The following VPS41 variants were observed in gnomAD, a reference collection of about 807,000 sequenced individuals.
VPS41 encodes vacuolar protein sorting-associated protein 41 homolog.
A neutral mutation model predicts 130.9 loss-of-function variants in VPS41; 85 were observed. That is an observed-to-expected ratio of 0.65 (90% CI 0.55 to 0.78). The LOEUF (loss-of-function observed/expected upper bound fraction) is 0.78. Ranked by LOEUF, VPS41 falls within the 30% of genes least tolerant of loss-of-function variation. VPS41 has a pLI of 0.00. For synonymous variants in VPS41, 335 were observed against 332.9 expected (o/e 1.01, Z -0.07); for missense variants, 874 against 1,018.7 (o/e 0.86, Z 1.93).
At chr7:38,736,317 G>A (rs1795764897) in intron 25 of VPS41, among the ~76,000 whole-genome samples, 1 of 152,292 alleles carries the variant, frequency 6.6e-6, no homozygotes, top group East Asian at 1.9e-4. Flanking sequence ...AGCAGATCTG[G>A]GCTGGGTGCC....
chr7:38,878,457 C>A (rs1419700776), intron 2 of VPS41, among the ~76,000 whole-genome samples: 1 of 152,116 alleles, frequency 6.6e-6, no homozygotes, highest in East Asian at 1.9e-4. Context: ...ATTTTGATAA[C>A]CATGATATCA....
chr7:38,837,605 A>G (rs1048694516), intron 4 of VPS41, among the ~76,000 whole-genome samples: 4 of 152,202 alleles, frequency 2.6e-5, no homozygotes, highest in Non-Finnish European at 5.9e-5. Context: ...CCCATCAAAC[A>G]TGAGGGTGGT....
chr7:38,797,691 A>T (rs577208530), intron 7 of VPS41, among the ~76,000 whole-genome samples: 2 of 152,314 alleles, frequency 1.3e-5, no homozygotes, highest in East Asian at 3.9e-4. Flanking sequence ...AGAATTACTA[A>T]AATTCCTACC....
rs143998892 is a variant in VPS41, at chr7:38,726,975, G to A, written c.2418C>T (p.Pro806=). The change falls in exon 28 of 29, where the codon CCC becomes CCT. Residue 806 remains proline, a synonymous_variant. Coordinates refer to ENST00000310301, the MANE Select transcript of VPS41 (RefSeq NM_014396.4). ...SPILPSDAAK[P]FSVVVFHCRH... is the part of the protein sequence containing the mutation. ...GGCAATGGAAGACCACCACGCTGAA[G>A]GGCTTAGCTGCATCTGGCGAGGAGG... The A allele has an allele frequency of 1.5e-3, 2,316 of 1,576,134 alleles. 4 individuals carry two copies. Among genetic ancestry groups the A allele is most frequent in the Middle Eastern group, 3.1e-3 (18 of 5,862 alleles).
At chr7:38,879,176 C>A (rs994456976) in intron 2 of VPS41, among the ~76,000 whole-genome samples, 3 of 152,130 alleles carry the variant, frequency 2.0e-5, no homozygotes, top group Admixed American at 6.5e-5. Context: ...ACTGAAACGA[C>A]CCACAGTGGG....
intron 1 of VPS41, among the ~76,000 whole-genome samples, chr7:38,901,259 A>C (rs2116450653): frequency 6.6e-6 from 1 of 152,358 alleles, no homozygotes; most frequent in South Asian, 2.1e-4. Flanking sequence ...TGTGATGATT[A>C]AAAGTTCTAG....
At chr7:38,886,771 G>A (rs1218241776) in intron 2 of VPS41, among the ~76,000 whole-genome samples, 1 of 152,162 alleles carries the variant, frequency 6.6e-6, no homozygotes, top group Admixed American at 6.5e-5. Flanking sequence ...TCCAGTAGGG[G>A]CCAACAGACA....
At chr7:38,807,411 T>C (rs1784861047) in intron 7 of VPS41, among the ~76,000 whole-genome samples, 1 of 151,890 alleles carries the variant, frequency 6.6e-6, no homozygotes, top group African/African-American at 2.4e-5. Context: ...ACCATACAGG[T>C]CGAGGGGGAT....
intron 6 of VPS41, 86 bp from the exon 7 acceptor site, chr7:38,817,968 G>A: frequency 2.9e-6 from 3 of 1,045,850 alleles, no homozygotes; most frequent in Non-Finnish European, 4.5e-6. Flanking sequence ...CAAGCAGCAT[G>A]ATCTAAAAAT....
intron 17 of VPS41, among the ~76,000 whole-genome samples, chr7:38,759,539 A>G (rs1783870723): frequency 6.6e-6 from 1 of 152,202 alleles, no homozygotes; most frequent in Admixed American, 6.5e-5. Context: ...GGTGTGGTGA[A>G]GAGTTGCAGG....
chr7:38,731,968 G>A (rs1795672221), intron 25 of VPS41, among the ~76,000 whole-genome samples: 1 of 152,098 alleles, frequency 6.6e-6, no homozygotes, highest in Admixed American at 6.5e-5. Context: ...ACTTCATTTA[G>A]TGTGTGTCCA....
At chr7:38,784,221 G>A (rs1187238427) in intron 10 of VPS41, among the ~76,000 whole-genome samples, 1 of 152,156 alleles carries the variant, frequency 6.6e-6, no homozygotes, top group Non-Finnish European at 1.5e-5. Context: ...CCACCCTATG[G>A]TTATTTTAGA....
intron 4 of VPS41, among the ~76,000 whole-genome samples, chr7:38,856,918 G>A (rs969762748): frequency 6.6e-6 from 1 of 152,280 alleles, no homozygotes; most frequent in East Asian, 1.9e-4. Context: ...ACTAGAGAGG[G>A]AAGAAATTAA....
chr7:38,877,995 T>G (rs1786525750), intron 2 of VPS41, among the ~76,000 whole-genome samples: 1 of 152,056 alleles, frequency 6.6e-6, no homozygotes, highest in African/African-American at 2.4e-5. Context: ...CCACTGTATC[T>G]CCAATCCTCA....
chr7:38,818,248 AC>A (rs1297348632), intron 6 of VPS41, among the ~76,000 whole-genome samples: 1 of 84,612 alleles, frequency 1.2e-5, no homozygotes, highest in African/African-American at 5.8e-5. Flanking sequence ...AGAAAACAAA[AC>A]AAAAAAAAAA....
intron 2 of VPS41, among the ~76,000 whole-genome samples, chr7:38,871,409 G>T (rs1376446997): frequency 6.6e-6 from 1 of 152,156 alleles, no homozygotes; most frequent in African/African-American, 2.4e-5. Flanking sequence ...AAATGATGGA[G>T]TACATCAAGC....
chr7:38,884,350 T>G (rs1182111752), intron 2 of VPS41, among the ~76,000 whole-genome samples: 1 of 152,238 alleles, frequency 6.6e-6, no homozygotes, highest in South Asian at 2.1e-4. Flanking sequence ...TAATTTCAAG[T>G]ATTTGTCAGT....
At position 38,852,042 on chromosome 7, in the gene VPS41, T is replaced by C. The variant is rs1422446527; in HGVS notation, c.246+10503A>G. ...AAATGACAAGAATGTTGTGGAAGTA[T>C]AGCCGCACCAGAACAACATGGTTCA... On this transcript the variant is annotated intron_variant, in intron 4 of 28. Transcript: ENST00000310301. 3.9e-5 allele frequency among the ~76,000 whole-genome samples: 6 copies of C among 152,186 alleles called. No homozygotes were observed. In the East Asian group the frequency reaches 5.8e-4, roughly 15 times the overall value.
chr7:38,747,872 C>CT (rs1306166795), intron 22 of VPS41, among the ~76,000 whole-genome samples: 1 of 152,126 alleles, frequency 6.6e-6, no homozygotes, highest in Non-Finnish European at 1.5e-5. Flanking sequence ...CCTGTATATA[C>CT]TTTCAAAAAG....
Sources: gnomAD v4.1 joint callset for allele counts (sites outside exome capture counted in the v4.1 genomes callset) on GRCh38, gnomAD v4.1.1 for gene constraint, MANE v1.5 for transcripts, NCBI Gene and HGNC (gene_info 2026-07-23, HGNC 2026-07-21) for gene names.